SLC5A4: variants seen among roughly 807,000 people sequenced by gnomAD.
SLC5A4 encodes solute carrier family 5 member 4.
A neutral mutation model predicts 70.3 loss-of-function variants in SLC5A4; 55 were observed. That is an observed-to-expected ratio of 0.78 (90% confidence interval 0.63 to 0.98). The LOEUF is 0.98. Among genes scored for constraint, SLC5A4 ranks in the 50% least tolerant of loss-of-function variants. SLC5A4 has a pLI of 0.00. For synonymous variants in SLC5A4, 268 were observed against 305.7 expected (o/e 0.88, Z 1.29); for missense variants, 735 against 839.2 (o/e 0.88, Z 1.53).
the SLC5A4 span, among the ~76,000 whole-genome samples, chr22:32,335,801 C>A: frequency 5.3e-4 from 19 of 35,664 alleles, no homozygotes; most frequent in East Asian, 0.015. Context: ...GGTGACAAGT[C>A]CCCCTCTCCC....
At position 32,236,950 on chromosome 22, in the gene SLC5A4, C is replaced by T. The variant is rs1926097289; in HGVS notation, c.664+294G>A. ...CGATCTCCTGACCTCGTGATCCACCCGCCTCGGCCTCCCAAAGTGCTGGGA... is the reference window on the plus strand; with the variant it reads ...CGATCTCCTGACCTCGTGATCCACCTGCCTCGGCCTCCCAAAGTGCTGGGA... On this transcript the variant is annotated intron_variant, in intron 7 of 14. Transcript: ENST00000266086. Among the ~76,000 whole-genome samples, 4 of 152,012 alleles carry T rather than the reference C, an allele frequency of 2.6e-5. No individual in the cohort carries two copies. In the South Asian group the frequency reaches 8.3e-4, roughly 32 times the overall value.
chr22:32,291,203 GTTC>G, the SLC5A4 span, among the ~76,000 whole-genome samples: 1 of 98,394 alleles, frequency 1.0e-5, no homozygotes, highest in Non-Finnish European at 2.0e-5. Context: ...GTGTTTGACT[GTTC>G]TTTTTTTTTT....
rs570177362 is a variant in SLC5A4 at position 32,255,009 on chromosome 22, A to G, written c.135+186T>C. The stretch of plus-strand genomic sequence containing the variant: ...AGGTCCCGGTGCTGGCTGTGTGCAC[A>G]CGATGGGGTTATTAGGAGAATACAT... On this transcript the variant is annotated intron_variant, in intron 1 of 14. Coordinates refer to ENST00000266086, the MANE Select transcript of SLC5A4 (RefSeq NM_014227.3). Among the ~76,000 whole-genome samples, 5 of 152,326 alleles carry G rather than the reference A, an allele frequency of 3.3e-5. No individual in the cohort carries two copies. The East Asian group carries it at 9.6e-4, about 29-fold the overall frequency.
At chr22:32,324,015 TG>T in the SLC5A4 span, among the ~76,000 whole-genome samples, 7 of 152,206 alleles carry the variant, frequency 4.6e-5, no homozygotes, top group Non-Finnish European at 5.9e-5. Context: ...GCGGTGTCCC[TG>T]GAGGGCAAAG....
the SLC5A4 span, among the ~76,000 whole-genome samples, chr22:32,264,117 C>T: frequency 6.6e-6 from 1 of 151,694 alleles, no homozygotes; most frequent in East Asian, 1.9e-4. Context: ...CAGCAAACCA[C>T]CATGGCACGC....
chr22:32,316,357 C>G, the SLC5A4 span, among the ~76,000 whole-genome samples: 1 of 151,868 alleles, frequency 6.6e-6, no homozygotes, highest in Non-Finnish European at 1.5e-5. Flanking sequence ...GAAGTCAGGG[C>G]AAAACATATT....
At chr22:32,255,149 T>TC in intron 1 of SLC5A4, 46 bp downstream of exon 1, 1 of 1,569,886 alleles carries the variant, frequency 6.4e-7, no homozygotes, top group East Asian at 2.3e-5. Context: ...AGATACCCCC[T>TC]CCTAAACCTT....
the SLC5A4 span, among the ~76,000 whole-genome samples, chr22:32,281,311 C>A: frequency 6.6e-6 from 1 of 152,140 alleles, no homozygotes; most frequent in African/African-American, 2.4e-5. Context: ...GTGCTGCTCC[C>A]AACGGGGCCG....
chr22:32,350,279 G>C, the SLC5A4 span, among the ~76,000 whole-genome samples: 1 of 152,122 alleles, frequency 6.6e-6, no homozygotes, highest in South Asian at 2.1e-4. Flanking sequence ...ATGGATACGC[G>C]GAAGTGCCAC....
At chr22:32,290,943 G>A in the SLC5A4 span, among the ~76,000 whole-genome samples, 1 of 152,120 alleles carries the variant, frequency 6.6e-6, no homozygotes, top group Non-Finnish European at 1.5e-5. Flanking sequence ...TAATTTTGGG[G>A]GAAAACATAC....
chr22:32,273,203 T>C, the SLC5A4 span: 1 of 360,528 alleles, frequency 2.8e-6, no homozygotes, highest in Non-Finnish European at 5.5e-6. Context: ...TGGAAGACCA[T>C]CTGATACTAT....
chr22:32,241,877 A>G (rs1177907782), intron 5 of SLC5A4, among the ~76,000 whole-genome samples: 3 of 145,552 alleles, frequency 2.1e-5, no homozygotes, highest in South Asian at 2.2e-4. Flanking sequence ...ATATGTGTGT[A>G]TATATATATG....
the SLC5A4 span, among the ~76,000 whole-genome samples, chr22:32,287,226 G>A: frequency 6.6e-6 from 1 of 152,126 alleles, no homozygotes; most frequent in Admixed American, 6.5e-5. Flanking sequence ...TTTTCCATGG[G>A]CCAACAGCAG....
At chr22:32,272,805 G>T in the SLC5A4 span, 1 of 511,854 alleles carries the variant, frequency 2.0e-6, no homozygotes, top group South Asian at 1.6e-5. Context: ...ATATCGCGTG[G>T]TTCGCCACCC....
rs181492925 is a variant in SLC5A4, at chr22:32,230,237, G to C, written c.1129+731C>G. Among the ~76,000 whole-genome samples, 6 of 152,278 alleles carry C rather than the reference G, an allele frequency of 3.9e-5. No homozygotes were observed. In the East Asian group the frequency reaches 1.2e-3, roughly 29 times the overall value. On this transcript the variant is annotated intron_variant, in intron 10 of 14. Coordinates refer to ENST00000266086, the MANE Select transcript of SLC5A4 (RefSeq NM_014227.3). ...GTCCCTTCCTCCCTCCTGTGTGTCA[G>C]GGTGGAGGAAGGTGGAAGAAATGTA...
the SLC5A4 span, chr22:32,268,155 G>A: frequency 6.6e-6 from 1 of 152,106 alleles, no homozygotes; most frequent in African/African-American, 2.4e-5. Flanking sequence ...TATTTATATT[G>A]TGTTTCATTA....
At chr22:32,345,201 G>A in the SLC5A4 span, among the ~76,000 whole-genome samples, 1 of 152,068 alleles carries the variant, frequency 6.6e-6, no homozygotes, top group Non-Finnish European at 1.5e-5. Flanking sequence ...TGAAGTAACC[G>A]ATTTCAGAAT....
At chr22:32,326,342 T>C in the SLC5A4 span, among the ~76,000 whole-genome samples, 3 of 151,336 alleles carry the variant, frequency 2.0e-5, no homozygotes, top group East Asian at 3.9e-4. Context: ...CTGCAATCTC[T>C]GCCACCCGAG....
At chr22:32,354,069 G>A in the SLC5A4 span, among the ~76,000 whole-genome samples, 1 of 148,114 alleles carries the variant, frequency 6.8e-6, no homozygotes, top group Non-Finnish European at 1.5e-5. Context: ...CGGAACCAAT[G>A]TGGCCCCAGG....
Sources: allele counts gnomAD v4.1 joint callset (sites outside exome capture counted in the v4.1 genomes callset), GRCh38; gene constraint gnomAD v4.1.1; transcripts MANE v1.5; gene names NCBI Gene and HGNC (gene_info 2026-07-23, HGNC 2026-07-21).